TXNDC5: variants seen among roughly 807,000 people sequenced by gnomAD.
TXNDC5 encodes the protein thioredoxin domain-containing protein 5.
TXNDC5 carries 44 observed loss-of-function variants against 52.6 expected under a neutral mutation model. The ratio of observed to expected loss-of-function variants is 0.84; its 90% CI spans 0.66 to 1.08. The LOEUF (loss-of-function observed/expected upper bound fraction) is 1.08. Ranked by LOEUF, TXNDC5 falls within the 50% of genes least tolerant of loss-of-function variation. TXNDC5 has a pLI of 0.00. For synonymous variants in TXNDC5, 241 were observed against 234.4 expected, an observed-to-expected ratio of 1.03 and a Z score of -0.26; for missense variants, 600 against 565.5, an observed-to-expected ratio of 1.06 and a Z score of -0.62.
intron 1 of TXNDC5, chr6:7,910,114 C>A: frequency 1.0e-6 from 1 of 986,678 alleles, no homozygotes; most frequent in Non-Finnish European, 1.2e-6. Context: ...TCCCGGCTGT[C>A]CCCTAGGGGT....
At chr6:7,889,015 A>G in intron 6 of TXNDC5, 167 bp from the exon 7 acceptor site, 1 of 850,528 alleles carries the variant, frequency 1.2e-6, no homozygotes, top group Non-Finnish European at 1.7e-6. Context: ...GGATAACTGA[A>G]TGCCTCGGCT....
In TXNDC5 at chr6:7,885,893, T is replaced by C. The variant is rs1169582024; in HGVS notation, c.1046+68A>G. ...ACATTGAGTCTGGAGGGGTGGCAGATGAGCTGAAAAACATGATGTGACTTA... is the reference window on the plus strand; with the variant it reads ...ACATTGAGTCTGGAGGGGTGGCAGACGAGCTGAAAAACATGATGTGACTTA... On this transcript the variant is annotated intron_variant, in intron 8 of 9. Coordinates refer to ENST00000379757, the MANE Select transcript of TXNDC5 (RefSeq NM_030810.5). 5 of 1,459,782 alleles carry C rather than the reference T, an allele frequency of 3.4e-6. No homozygotes were observed. In the African/African-American group the frequency reaches 5.6e-5, roughly 16 times the overall value. 90.4% of individuals were successfully genotyped at this position (1,459,782 alleles called of 1,614,324 possible). A position where few individuals can be genotyped will look rare whatever the true frequency, so the allele number is the denominator to read the frequency against.
intron 9 of TXNDC5, 75 bp from the exon 10 acceptor site, chr6:7,883,341 G>A: frequency 6.2e-7 from 1 of 1,603,626 alleles, no homozygotes; most frequent in Non-Finnish European, 8.5e-7. Context: ...AATAAAACCA[G>A]ATACACTCCT....
intron 4 of TXNDC5, 76 bp from the exon 5 acceptor site, chr6:7,891,812 TG>T: frequency 2.9e-6 from 3 of 1,048,764 alleles, no homozygotes; most frequent in Non-Finnish European, 4.3e-6. Flanking sequence ...GAGAGTTAAT[TG>T]AAGAATCAGA....
At chr6:7,909,367 T>A (rs758205524) in intron 1 of TXNDC5, among the ~76,000 whole-genome samples, 2 of 151,494 alleles carry the variant, frequency 1.3e-5, no homozygotes, top group Admixed American at 1.3e-4. Flanking sequence ...AATTATGGCT[T>A]TCTGCTCTGG....
At chr6:7,900,367 C>A (rs1052037921) in intron 2 of TXNDC5, 1 of 152,146 alleles carries the variant, frequency 6.6e-6, no homozygotes, top group Non-Finnish European at 1.5e-5. Context: ...CCAGCAGTCA[C>A]GGGAAAACGT....
intron 5 of TXNDC5, 138 bp downstream of exon 5, chr6:7,891,483 T>C: frequency 1.7e-6 from 1 of 599,414 alleles, no homozygotes; most frequent in Non-Finnish European, 2.9e-6. Context: ...GAAGGTGAAA[T>C]GAATTATCAA....
chr6:7,906,232 G>A (rs1760723122), intron 1 of TXNDC5, among the ~76,000 whole-genome samples: 1 of 151,168 alleles, frequency 6.6e-6, no homozygotes, highest in South Asian at 2.1e-4. Flanking sequence ...CAGAGATTTT[G>A]TCTCTTAAGA....
chr6:7,908,598 T>C (rs185689182), intron 1 of TXNDC5, among the ~76,000 whole-genome samples: 25 of 151,554 alleles, frequency 1.6e-4, no homozygotes, highest in African/African-American at 5.1e-4. Flanking sequence ...AGGGCAGAAG[T>C]ACTGATTGAG....
chr6:7,910,364 GC>G, intron 1 of TXNDC5, 149 bp downstream of exon 1: 1 of 983,620 alleles, frequency 1.0e-6, no homozygotes, highest in Non-Finnish European at 1.3e-6. Context: ...GCACCCCTGA[GC>G]CCCGAGCCCC....
chr6:7,903,430 A>T (rs1456043286), intron 2 of TXNDC5, among the ~76,000 whole-genome samples: 1 of 152,202 alleles, frequency 6.6e-6, no homozygotes. Flanking sequence ...AAACCCTAAC[A>T]TGTATTGGGT....
intron 4 of TXNDC5, among the ~76,000 whole-genome samples, chr6:7,894,266 CTTT>C (rs58493259): frequency 7.0e-6 from 1 of 142,520 alleles, no homozygotes; most frequent in Non-Finnish European, 1.5e-5. Flanking sequence ...CATACCCAGC[CTTT>C]TTTTTTTTTT....
intron 8 of TXNDC5, among the ~76,000 whole-genome samples, 170 bp downstream of exon 8, chr6:7,885,791 A>G (rs1257757679): frequency 1.3e-5 from 2 of 152,244 alleles, no homozygotes; most frequent in Non-Finnish European, 2.9e-5. Context: ...GAAGTTTAAA[A>G]TATTTGAATA....
rs1759790644 is a variant in TXNDC5 at position 7,882,418 on chromosome 6, A to AAGAC, written c.*722_*725dup. The AAGAC allele has an allele frequency of 6.6e-6, 1 of 152,228 alleles. No individual in the cohort carries two copies. Among genetic ancestry groups the AAGAC allele is most frequent in the Admixed American group, 6.5e-5 (1 of 15,288 alleles). 9.4% of individuals were successfully genotyped at this position (152,228 alleles called of 1,614,324 possible). A position where few individuals can be genotyped will look rare whatever the true frequency, so the allele number is the denominator to read the frequency against. Reference sequence around the variant, plus strand: ...GGCTTCGTGTTAACATGAGGAACTAAAGACATGTTTCACCCCGTGAGAAAC... The same window carrying AAGAC: ...GGCTTCGTGTTAACATGAGGAACTAAAGACAGACATGTTTCACCCCGTGAGAAAC... On this transcript the variant is annotated 3_prime_UTR_variant, in exon 10 of 10. Coordinates refer to ENST00000379757, the MANE Select transcript of TXNDC5 (RefSeq NM_030810.5).
intron 4 of TXNDC5, among the ~76,000 whole-genome samples, chr6:7,892,957 T>G (rs901565501): frequency 2.0e-5 from 3 of 152,238 alleles, no homozygotes; most frequent in Non-Finnish European, 4.4e-5. Context: ...GCTGGCAGTT[T>G]TATTTCTTGA....
At chr6:7,887,626 C>T (rs970187023) in intron 7 of TXNDC5, among the ~76,000 whole-genome samples, 25 of 152,198 alleles carry the variant, frequency 1.6e-4, no homozygotes, top group Admixed American at 6.5e-5. Context: ...TTCCCACCTC[C>T]AGCACACGTG....
Position 7,904,637 on chromosome 6 carries a change from G to A in TXNDC5, c.350C>T (p.Ala117Val). The change falls in exon 2 of 10, where the codon GCT (alanine) becomes GTT (valine). Residue 117 changes from alanine (A) to valine (V), a missense_variant. Ala to Val is a moderately conservative substitution (Grantham distance 64). Transcript: ENST00000379757. ...GGAGTGGGCCGTGCAGTCCACTTTAGCCACATAGACTTTGGCATCTTCCAT... is the reference window on the plus strand; with the variant it reads ...GGAGTGGGCCGTGCAGTCCACTTTAACCACATAGACTTTGGCATCTTCCAT... ...NSMEDAKVYV[A>V]KVDCTAHSDV... The A allele has an allele frequency of 6.2e-7, 1 of 1,614,232 alleles. No individual in the cohort carries two copies.
intron 2 of TXNDC5, among the ~76,000 whole-genome samples, chr6:7,900,698 A>C (rs1413236332): frequency 1.3e-5 from 2 of 152,202 alleles, no homozygotes; most frequent in African/African-American, 2.4e-5. Context: ...AGAGACTGGG[A>C]AGTCTGAGAT....
intron 9 of TXNDC5, among the ~76,000 whole-genome samples, chr6:7,883,562 T>C (rs903662287): frequency 2.0e-5 from 3 of 152,188 alleles, no homozygotes; most frequent in African/African-American, 7.2e-5. Flanking sequence ...CACCTGCGGA[T>C]CTGCTGAAGG....
Sources: allele counts gnomAD v4.1 joint callset (sites outside exome capture counted in the v4.1 genomes callset), GRCh38; gene constraint gnomAD v4.1.1; transcripts MANE v1.5; gene names NCBI Gene and HGNC (gene_info 2026-07-23, HGNC 2026-07-21).